The following EZR variants were observed in gnomAD, a reference collection of about 807,000 sequenced individuals.
The protein encoded by EZR is cytovillin 2.
In EZR, 40 loss-of-function variants were observed where a neutral mutation model predicts 74.8. The observed-to-expected ratio is 0.53, with a 90% CI of 0.42 to 0.70. EZR has a LOEUF of 0.70. EZR is among the 30% of genes least tolerant of loss of function. The pLI is 0.00. For missense variants in EZR, 678 were observed against 755.8 expected (o/e 0.90, Z 1.21); for synonymous variants, 341 against 283.3 (o/e 1.20, Z -2.05).
At chr6:158,791,499 A>G (rs1218201199) in intron 2 of EZR, among the ~76,000 whole-genome samples, 1 of 152,086 alleles carries the variant, frequency 6.6e-6, no homozygotes, top group Non-Finnish European at 1.5e-5. Context: ...AGCTACATAC[A>G]CAGAAGCCAA....
intron 7 of EZR, among the ~76,000 whole-genome samples, chr6:158,778,591 A>T (rs1791345347): frequency 6.6e-6 from 1 of 152,222 alleles, no homozygotes. Context: ...GTCCTTGCTT[A>T]GGCCACACAT....
chr6:158,780,197 A>C (rs1040025405), intron 7 of EZR, among the ~76,000 whole-genome samples: 17 of 151,490 alleles, frequency 1.1e-4, no homozygotes, highest in South Asian at 6.3e-4. Flanking sequence ...AAAAAAAAAA[A>C]ACCAAGAATG....
chr6:158,811,536 C>T (rs1777451083), intron 2 of EZR, among the ~76,000 whole-genome samples: 1 of 152,132 alleles, frequency 6.6e-6, no homozygotes, highest in Non-Finnish European at 1.5e-5. Flanking sequence ...GTTTTCCTTT[C>T]CCAAACTATA....
chr6:158,818,715 G>A (rs1444117616), intron 1 of EZR, among the ~76,000 whole-genome samples: 2 of 150,786 alleles, frequency 1.3e-5, no homozygotes, highest in Admixed American at 6.6e-5. Flanking sequence ...GGCCCGGGGA[G>A]AGGGAGCGCG....
In EZR at chr6:158,770,891, T is replaced by C; in HGVS notation, c.963A>G (p.Gln321=). ...EEKHQKQLER[Q]QLETEKKRRE... ...TCCTTTTCTTCTCTGTTTCCAGCTG[T>C]TGCCTGGTGCAGGGAAAAAGAGGCA... The change falls in exon 10 of 14, where the codon CAA becomes CAG. Residue 321 remains glutamine (Q), a synonymous_variant. Coordinates refer to ENST00000367075, the MANE Select transcript of EZR (RefSeq NM_001111077.2). The C allele has an allele frequency of 1.2e-6, 2 of 1,610,582 alleles. No homozygotes were observed. The highest frequency in any genetic ancestry group is 1.7e-5 in the Admixed American group (1 of 59,982).
chr6:158,785,558 T>C lies in EZR; in HGVS notation c.218A>G (p.Glu73Gly). ...CCGGAACTTGAACTGGAGGGGATTC[T>C]CCTTCCTGACCTCCTGGGCAGACAC... ...KKVSAQEVRK[E>G]NPLQFKFRAK... The change falls in exon 5 of 14, where the codon GAG becomes GGG. Residue 73 changes from glutamate to glycine, a missense_variant. By Grantham distance (98) the Glu-to-Gly change is moderately conservative. Around this residue, in one of 3 missense-constraint regions of EZR, gnomAD observed 217 missense variants for 232.2 expected, o/e 0.93. Coordinates refer to ENST00000367075, the MANE Select transcript of EZR (RefSeq NM_001111077.2). The C allele has an allele frequency of 6.2e-7, 1 of 1,614,062 alleles. No homozygotes were observed.
At chr6:158,779,992 G>A (rs559470059) in intron 7 of EZR, among the ~76,000 whole-genome samples, 19 of 152,154 alleles carry the variant, frequency 1.2e-4, no homozygotes, top group African/African-American at 4.6e-4. Context: ...AGACCAGCCT[G>A]GCCAACACAG....
At chr6:158,796,499 AT>A in intron 2 of EZR, among the ~76,000 whole-genome samples, 1 of 152,162 alleles carries the variant, frequency 6.6e-6, no homozygotes, top group African/African-American at 2.4e-5. Flanking sequence ...GCTGGAGACC[AT>A]TTAATCTGTG....
intron 7 of EZR, among the ~76,000 whole-genome samples, chr6:158,782,347 C>G (rs1350602135): frequency 6.6e-6 from 1 of 152,164 alleles, no homozygotes; most frequent in Non-Finnish European, 1.5e-5. Flanking sequence ...GAAAGCAGCA[C>G]CACTCCCTTT....
chr6:158,770,991 T>TA, intron 9 of EZR, 97 bp from the exon 10 acceptor site: 1 of 1,568,310 alleles, frequency 6.4e-7, no homozygotes, highest in Non-Finnish European at 8.7e-7. Context: ...CAGGATGGAC[T>TA]TGGTATCCTG....
At chr6:158,804,147 T>C (rs1777277941) in intron 2 of EZR, among the ~76,000 whole-genome samples, 1 of 151,536 alleles carries the variant, frequency 6.6e-6, no homozygotes, top group Admixed American at 6.6e-5. Context: ...TATTAGCTGC[T>C]AGTTTTTAAG....
Position 158,766,636 on chromosome 6 carries a change from A to AT in EZR, c.*277dup, listed in dbSNP as rs1790865531. ...AGTTTCTTACTCAGACTTTACAGGC[A>AT]TTTTCCGTAATTCAATCAGTCCTGC... On this transcript the variant is annotated 3_prime_UTR_variant, in exon 14 of 14. Transcript: ENST00000367075. 3 of 395,488 alleles carry AT rather than the reference A, an allele frequency of 7.6e-6. No individual in the cohort carries two copies. Among genetic ancestry groups the AT allele is most frequent in the South Asian group, 1.1e-4 (2 of 18,330 alleles). 24.5% of individuals were successfully genotyped at this position (395,488 alleles called of 1,614,324 possible). A position where few individuals can be genotyped will look rare whatever the true frequency, so the allele number is the denominator to read the frequency against.
intron 2 of EZR, among the ~76,000 whole-genome samples, chr6:158,799,659 A>G (rs1479034279): frequency 6.6e-6 from 1 of 152,278 alleles, no homozygotes; most frequent in Non-Finnish European, 1.5e-5. Context: ...GTTTTCCACA[A>G]ATGCTGGCTA....
At chr6:158,799,154 G>T (rs1400177272) in intron 2 of EZR, among the ~76,000 whole-genome samples, 2 of 152,072 alleles carry the variant, frequency 1.3e-5, no homozygotes, top group African/African-American at 2.4e-5. Flanking sequence ...AAGACATATG[G>T]CCAGCTGTAC....
At chr6:158,788,167 T>C (rs1354073753) in intron 3 of EZR, 2 of 152,226 alleles carry the variant, frequency 1.3e-5, no homozygotes, top group African/African-American at 4.8e-5. Context: ...AAATGACAAC[T>C]CAGGTATACA....
intron 2 of EZR, among the ~76,000 whole-genome samples, chr6:158,812,426 G>C (rs1039776677): frequency 1.7e-4 from 26 of 152,118 alleles, no homozygotes; most frequent in African/African-American, 6.3e-4. Context: ...CCTCACCCTA[G>C]AGATGGAAGT....
chr6:158,787,126 C>A lies in EZR; in HGVS notation c.174G>T (p.Trp58Cys). The change falls in exon 4 of 14, where the codon TGG becomes TGT. Residue 58 changes from tryptophan (W) to cysteine (C), a missense_variant. Around this residue, in one of 3 missense-constraint regions of EZR, gnomAD observed 217 missense variants for 232.2 expected, o/e 0.93. Coordinates refer to ENST00000367075, the MANE Select transcript of EZR (RefSeq NM_001111077.2). ...GACTTGCCTTCTTATCCAGCTTCAG[C>A]CAGGTAGGAAATCCTTTATTATCCA... ...HYVDNKGFPT[W>C]LKLDKKVSAQ... 1 of 1,613,338 alleles carries A rather than the reference C, an allele frequency of 6.2e-7. No individual in the cohort carries two copies.
Position 158,808,134 on chromosome 6 carries a change from A to ATG in EZR, c.12+9946_12+9947dup, listed in dbSNP as rs112872080. On this transcript the variant is annotated intron_variant, in intron 2 of 13. Coordinates refer to ENST00000367075, the MANE Select transcript of EZR (RefSeq NM_001111077.2). Reference sequence around the variant, plus strand: ...ACCTAACATCAATAACTTAAGAAGAATGCGTGTGTGGAGTTCCGAGCTAAG... The same window carrying ATG: ...ACCTAACATCAATAACTTAAGAAGAATGTGCGTGTGTGGAGTTCCGAGCTAAG... 5.4e-3 allele frequency among the ~76,000 whole-genome samples: 821 copies of ATG among 152,304 alleles called. 6 individuals are homozygous for ATG. The highest frequency in any genetic ancestry group is 0.019 in the African/African-American group (778 of 41,556).
intron 2 of EZR, among the ~76,000 whole-genome samples, chr6:158,800,896 G>A (rs1703341561): frequency 1.3e-5 from 2 of 152,226 alleles, no homozygotes; most frequent in African/African-American, 4.8e-5. Flanking sequence ...TTTCTATCAA[G>A]CTTTCTGTAT....
Sources: allele counts gnomAD v4.1 joint callset (sites outside exome capture counted in the v4.1 genomes callset), GRCh38; gene constraint gnomAD v4.1.1; regional missense constraint gnomAD v4.1.1; transcripts MANE v1.5; gene names NCBI Gene and HGNC (gene_info 2026-07-23, HGNC 2026-07-21).